Variants in NADK2 observed in about 807,000 individuals in gnomAD.
The protein encoded by NADK2 is NAD kinase domain-containing protein 1, mitochondrial.
A neutral mutation model predicts 62.1 loss-of-function variants in NADK2; 35 were observed. The observed-to-expected ratio is 0.56, with a 90% CI of 0.43 to 0.75. The LOEUF (loss-of-function observed/expected upper bound fraction) is 0.75. Ranked by LOEUF, NADK2 falls within the 30% of genes least tolerant of loss-of-function variation. The pLI, the probability that NADK2 is intolerant of heterozygous loss-of-function variation, is 0.00. For missense variants in NADK2, 439 were observed against 561.3 expected (o/e 0.78, Z 2.20); for synonymous variants, 205 against 207.9 (o/e 0.99, Z 0.12).
At position 36,200,309 on chromosome 5, in the gene NADK2, ATGT is replaced by A. The variant is rs747671466; in HGVS notation, c.1013-32_1013-30del. On this transcript the variant is annotated intron_variant, in intron 9 of 11. Transcript: ENST00000381937. The stretch of plus-strand genomic sequence containing the variant: ...TTGAAAAAGGAAAGGGGGAAAATGT[ATGT>A]TATAAATATATATATCTTATATATA... 7.4e-6 allele frequency: 11 copies of A among 1,496,476 alleles called. No individual in the cohort carries two copies. In the East Asian group the frequency reaches 1.2e-4, roughly 16 times the overall value. 92.7% of individuals were successfully genotyped at this position (1,496,476 alleles called of 1,614,324 possible). A position where few individuals can be genotyped will look rare whatever the true frequency, so the allele number is the denominator to read the frequency against.
chr5:36,231,615 T>G (rs913674680), intron 1 of NADK2, among the ~76,000 whole-genome samples: 2 of 152,230 alleles, frequency 1.3e-5, no homozygotes, highest in Non-Finnish European at 2.9e-5. Context: ...TGGCTTTAAT[T>G]CTTCCCTTAC....
intron 1 of NADK2, among the ~76,000 whole-genome samples, chr5:36,231,997 A>T (rs1299637856): frequency 6.6e-6 from 1 of 151,756 alleles, no homozygotes; most frequent in African/African-American, 2.4e-5. Flanking sequence ...ACTCCATGAG[A>T]TCTACAGACA....
intron 9 of NADK2, 39 bp downstream of exon 9, chr5:36,201,067 A>G (rs1195354023): frequency 6.4e-7 from 1 of 1,567,236 alleles, no homozygotes; most frequent in Non-Finnish European, 8.8e-7. Context: ...TCCCCTGCGG[A>G]TAAGAGGGGA....
Position 36,194,613 on chromosome 5 carries a change from A to G in NADK2, c.*531T>C, listed in dbSNP as rs1746160509. ...CATAACATCATCGTGTTCCGAAATTAGAAAATTATTAGCACATATACAAAC... is the reference window on the plus strand; with the variant it reads ...CATAACATCATCGTGTTCCGAAATTGGAAAATTATTAGCACATATACAAAC... On this transcript the variant is annotated 3_prime_UTR_variant, in exon 12 of 12. Transcript: ENST00000381937. 6.6e-6 allele frequency: 1 copy of G among 152,232 alleles called. No homozygotes were observed. The highest frequency in any genetic ancestry group is 6.5e-5 in the Admixed American group (1 of 15,284). 9.4% of individuals were successfully genotyped at this position (152,232 alleles called of 1,614,324 possible).
intron 8 of NADK2, among the ~76,000 whole-genome samples, chr5:36,204,436 CTCTATTTCTAACAGAAATTTCCATT>C (rs1280302389): frequency 6.6e-6 from 1 of 152,106 alleles, no homozygotes; most frequent in Admixed American, 6.6e-5. Context: ...TAAATACAAT[CTCTATTTCTAACAGAAATTTCCATT>C]TCTATTTCTA....
intron 7 of NADK2, among the ~76,000 whole-genome samples, chr5:36,207,538 A>G (rs1452903719): frequency 1.3e-5 from 2 of 151,816 alleles, no homozygotes; most frequent in African/African-American, 2.4e-5. Flanking sequence ...GCTTCTTGCA[A>G]ATTTTTAGCT....
At chr5:36,219,556 T>C in intron 5 of NADK2, 40 bp downstream of exon 5, 1 of 1,535,434 alleles carries the variant, frequency 6.5e-7, no homozygotes, top group Non-Finnish European at 9.0e-7. Context: ...CACATACTTA[T>C]TAAGATACTT....
intron 6 of NADK2, chr5:36,212,331 A>G (rs1443295572): frequency 1.3e-5 from 2 of 153,068 alleles, no homozygotes; most frequent in East Asian, 3.8e-4. Context: ...GATGGAAACC[A>G]AATCAGGTAT....
At chr5:36,213,784 T>C (rs1303037180) in intron 6 of NADK2, among the ~76,000 whole-genome samples, 2 of 151,982 alleles carry the variant, frequency 1.3e-5, no homozygotes, top group African/African-American at 4.8e-5. Flanking sequence ...TTTCCTTAAT[T>C]ACTAATGAAA....
chr5:36,232,460 A>G (rs1747743703), intron 1 of NADK2, among the ~76,000 whole-genome samples: 1 of 152,194 alleles, frequency 6.6e-6, no homozygotes, highest in Non-Finnish European at 1.5e-5. Context: ...AAGCATACAC[A>G]TTTAACTAAA....
At chr5:36,198,556 T>C (rs7710062) in intron 10 of NADK2, among the ~76,000 whole-genome samples, 72,602 of 148,648 alleles carry the variant, frequency 0.49, 18,835 homozygotes, top group Non-Finnish European at 0.58. Flanking sequence ...TTGGTATGTT[T>C]ACTAAAAGAA....
chr5:36,235,044 G>A (rs575115439), intron 1 of NADK2, among the ~76,000 whole-genome samples: 125 of 152,156 alleles, frequency 8.2e-4, no homozygotes, highest in African/African-American at 2.8e-3. Flanking sequence ...CTCAAAAAAC[G>A]GTTTTGTGAA....
rs1747491996 is a variant in NADK2 at position 36,226,562 on chromosome 5, T to C, written c.391A>G (p.Asn131Asp). The change falls in exon 3 of 12, where the codon AAT becomes GAT. Residue 131 changes from asparagine to aspartate, a missense_variant and splice_region_variant. By Grantham distance (23) the Asn-to-Asp change is conservative (BLOSUM62 1). Transcript: ENST00000381937. The stretch of plus-strand genomic sequence containing the variant: ...ACTAGACGAACCTCAATTCCCTCAT[T>C]CCTAGGATAAAAAAGGAAAGGTTAT... The part of the protein sequence containing the change: ...NVEHIIDSLR[N>D]EGIEVRLVKR... The C allele has an allele frequency of 1.2e-6, 2 of 1,609,370 alleles. No individual in the cohort carries two copies. The highest frequency in any genetic ancestry group is 1.7e-5 in the Admixed American group (1 of 59,824).
In NADK2 at chr5:36,217,797, G is replaced by A; in HGVS notation, c.732C>T (p.Ser244=). ...TAAGGGCTCTATTGTGCTGATTCAAGCTTAGCTGCTGCTCGTGAAGGTCCA... is the reference window on the plus strand; with the variant it reads ...TAAGGGCTCTATTGTGCTGATTCAAACTTAGCTGCTGCTCGTGAAGGTCCA... ...VPVDLHEQQL[S]LNQHNRALNI... is the part of the protein sequence containing the mutation. Residue 244 remains serine, a synonymous_variant, in exon 6 of 12, where the codon AGC becomes AGT. Coordinates refer to ENST00000381937, the MANE Select transcript of NADK2 (RefSeq NM_001085411.3). The A allele has an allele frequency of 6.2e-7, 1 of 1,613,932 alleles. No individual in the cohort carries two copies. The highest frequency in any genetic ancestry group is 2.2e-5 in the East Asian group (1 of 44,850).
intron 1 of NADK2, among the ~76,000 whole-genome samples, chr5:36,238,120 T>C (rs1445931663): frequency 1.3e-5 from 2 of 152,222 alleles, no homozygotes; most frequent in Admixed American, 6.5e-5. Context: ...ACAATCATAT[T>C]GTATGTAATA....
chr5:36,206,944 C>T (rs774515191), intron 8 of NADK2, among the ~76,000 whole-genome samples: 4 of 151,866 alleles, frequency 2.6e-5, no homozygotes, highest in Non-Finnish European at 4.4e-5. Flanking sequence ...ATTTCCTTTC[C>T]TTTGCAAACC....
intron 4 of NADK2, among the ~76,000 whole-genome samples, chr5:36,220,719 C>T (rs1283011671): frequency 6.6e-6 from 1 of 152,108 alleles, no homozygotes; most frequent in Non-Finnish European, 1.5e-5. Flanking sequence ...AGTCTAAAAC[C>T]CTTGCAGAGA....
chr5:36,201,716 T>C (rs1485323142), intron 8 of NADK2, among the ~76,000 whole-genome samples: 1 of 152,034 alleles, frequency 6.6e-6, no homozygotes, highest in East Asian at 1.9e-4. Context: ...GTACTAGAGA[T>C]ATGAAATGAA....
chr5:36,218,108 C>G (rs1423017433), intron 5 of NADK2: 1 of 392,784 alleles, frequency 2.5e-6, no homozygotes, highest in Non-Finnish European at 4.6e-6. Context: ...TGTGCTTGTA[C>G]AAAATCTCCC....
Sources: allele counts gnomAD v4.1 joint callset (sites outside exome capture counted in the v4.1 genomes callset), GRCh38; gene constraint gnomAD v4.1.1; transcripts MANE v1.5; gene names NCBI Gene and HGNC (gene_info 2026-07-23, HGNC 2026-07-21).